The following GALNS variants were observed in gnomAD, a reference collection of about 807,000 sequenced individuals.
GALNS encodes N-acetylgalactosamine-6-sulfatase.
GALNS carries 65 observed loss-of-function variants against 65.9 expected under a neutral mutation model. The observed-to-expected ratio is 0.99, with a 90% CI of 0.81 to 1.21. The LOEUF (loss-of-function observed/expected upper bound fraction) is 1.21. GALNS is among the 50% of genes most tolerant of loss of function. GALNS has a pLI of 0.00. For missense variants in GALNS, 776 were observed against 700.7 expected (o/e 1.11, Z -1.21); for synonymous variants, 346 against 288.9 (o/e 1.20, Z -2.00).
In GALNS at chr16:88,814,519, C is replaced by G. The variant is rs779514329; in HGVS notation, c.1489G>C (p.Ala497Pro). The change falls in exon 14 of 14, where the codon GCA becomes CCA. Residue 497 changes from alanine to proline, a missense_variant. Transcript: ENST00000268695. ...CCTAACTTTTCACAGCCCGGAGGTG[C>G]CCAGTTCTGGGAAATGAAAATTGAG... ...NVCNWAVMNW[A>P]PPGCEKLGKC... 1 of 1,556,042 alleles carries G rather than the reference C, an allele frequency of 6.4e-7. No homozygotes were observed. The highest frequency in any genetic ancestry group is 8.7e-7 in the Non-Finnish European group (1 of 1,149,384).
At chr16:88,836,155 C>CG in intron 6 of GALNS, 46 bp downstream of exon 6, 1 of 1,564,026 alleles carries the variant, frequency 6.4e-7, no homozygotes, top group Non-Finnish European at 8.8e-7. Context: ...GTGCGGTCCC[C>CG]GTCCCCATGC....
chr16:88,817,071 C>G, intron 13 of GALNS: 2 of 985,440 alleles, frequency 2.0e-6, no homozygotes, highest in Non-Finnish European at 1.2e-6. Flanking sequence ...TCTGAAGGAG[C>G]TGTGAAGACC....
Position 88,850,806 on chromosome 16 carries a change from A to G in GALNS, c.120+5952T>C, listed in dbSNP as rs113183979. 3.6e-3 allele frequency among the ~76,000 whole-genome samples: 553 copies of G among 152,368 alleles called. 2 individuals carry two copies. The highest frequency in any genetic ancestry group is 0.012 in the African/African-American group (518 of 41,588). ...TCCCAGGGCTTTTGCCTAGGCTGGC[A>G]GTGCGGCCGCCTCTGCCTGGCATGT... is the stretch of plus-strand genomic sequence containing the variant. On this transcript the variant is annotated intron_variant, in intron 1 of 13. Transcript: ENST00000268695.
In GALNS at chr16:88,847,822, C is replaced by T. The variant is rs112240566; in HGVS notation, c.121-4993G>A. Reference sequence around the variant, plus strand: ...GGCAGCGCCACGCAGGGTGGCCACGCCGCCCGGCAGCGCCTCCCTGGTACA... The same window carrying T: ...GGCAGCGCCACGCAGGGTGGCCACGTCGCCCGGCAGCGCCTCCCTGGTACA... On this transcript the variant is annotated intron_variant, in intron 1 of 13. Coordinates refer to ENST00000268695, the MANE Select transcript of GALNS (RefSeq NM_000512.5). Among the ~76,000 whole-genome samples, 555 of 152,364 alleles carry T rather than the reference C, an allele frequency of 3.6e-3. 2 individuals carry two copies. The highest frequency in any genetic ancestry group is 0.013 in the African/African-American group (520 of 41,586).
chr16:88,840,689 C>T lies in GALNS; in HGVS notation c.422+303G>A, dbSNP rs536753400. ...CAAGGACGACGTGGCAGGAGGCAGC[C>T]GGGGGGCAGTGGTGGCGGGTGCTAG... On this transcript the variant is annotated intron_variant, in intron 4 of 13. Transcript: ENST00000268695. 319 of 446,040 alleles carry T rather than the reference C, an allele frequency of 7.2e-4. 3 individuals carry two copies. Among genetic ancestry groups the T allele is most frequent in the South Asian group, 6.3e-3 (305 of 48,388 alleles). The allele number at this position is 446,040 out of a possible 1,614,324, so 27.6% of individuals were successfully genotyped here. A position where few individuals can be genotyped will look rare whatever the true frequency, so the allele number is the denominator to read the frequency against.
chr16:88,841,965 G>T lies in GALNS; in HGVS notation c.251C>A (p.Ala84Glu), dbSNP rs141340188. 5 of 1,612,126 alleles carry T rather than the reference G, an allele frequency of 3.1e-6. No homozygotes were observed. In the African/African-American group the frequency reaches 5.3e-5, roughly 17 times the overall value. ...SANPLCSPSR[A>E]ALLTGRLPIR... ...GGGTAGCCGTCCTGTGAGCAGTGCCGCCCTCGCTATGTGGAGGTGACAGAA... is the reference window on the plus strand; with the variant it reads ...GGGTAGCCGTCCTGTGAGCAGTGCCTCCCTCGCTATGTGGAGGTGACAGAA... Residue 84 changes from alanine to glutamate, a missense_variant, in exon 3 of 14, where the codon GCG (alanine) becomes GAG (glutamate). Coordinates refer to ENST00000268695, the MANE Select transcript of GALNS (RefSeq NM_000512.5).
chr16:88,846,509 CTTTTTTTTTTTT>C (rs59223444), intron 1 of GALNS, among the ~76,000 whole-genome samples: 2 of 88,708 alleles, frequency 2.3e-5, no homozygotes, highest in East Asian at 7.3e-4. Flanking sequence ...GCGTTTCTGG[CTTTTTTTTTTTT>C]TTTTTTTTTT....
chr16:88,822,683 C>T lies in GALNS; in HGVS notation c.1270G>A (p.Val424Ile), dbSNP rs1369987725. The T allele has an allele frequency of 9.3e-6, 15 of 1,612,890 alleles. No homozygotes were observed. Among genetic ancestry groups the T allele is most frequent in the Admixed American group, 1.7e-5 (1 of 59,978 alleles). Reference sequence around the variant, plus strand: ...AGATTGTGAGTTGTGACCCCTGAAACGTTCTGCCCAGGGCAGAAATCAATG... The same window carrying T: ...AGATTGTGAGTTGTGACCCCTGAAATGTTCTGCCCAGGGCAGAAATCAATG... ...QGIDFCPGQN[V>I]SGVTTHNLED... The change falls in exon 12 of 14, where the codon GTT (valine) becomes ATT (isoleucine). Residue 424 changes from valine to isoleucine, a missense_variant. Physicochemically the swap from Val to Ile is conservative, Grantham distance 29. Coordinates refer to ENST00000268695, the MANE Select transcript of GALNS (RefSeq NM_000512.5).
At position 88,825,018 on chromosome 16, in the gene GALNS, G is replaced by A. The variant is rs1910660322; in HGVS notation, c.1140-149C>T. 10 of 751,158 alleles carry A rather than the reference G, an allele frequency of 1.3e-5. No homozygotes were observed. In the South Asian group the frequency reaches 1.3e-4, roughly 10 times the overall value. 46.5% of individuals were successfully genotyped at this position (751,158 alleles called of 1,614,324 possible). ...ACAAAGATGATTGAAAAGTAAAAAG[G>A]CCCGCAAGGTGGCTGGGGCTGGGGT... is the stretch of plus-strand genomic sequence containing the variant. On this transcript the variant is annotated intron_variant, in intron 10 of 13. Transcript: ENST00000268695.
chr16:88,845,823 C>T (rs1318653158), intron 1 of GALNS, among the ~76,000 whole-genome samples: 1 of 149,408 alleles, frequency 6.7e-6, no homozygotes, highest in Non-Finnish European at 1.5e-5. Context: ...AAGACTCCAA[C>T]TCTAAAAAAA....
intron 10 of GALNS, among the ~76,000 whole-genome samples, chr16:88,825,705 A>T (rs1051555032): frequency 6.6e-6 from 1 of 151,642 alleles, no homozygotes; most frequent in Non-Finnish European, 1.5e-5. Context: ...AGACAAGAGG[A>T]TAAGCAGGCG....
intron 11 of GALNS, 83 bp from the exon 12 acceptor site, chr16:88,822,793 C>A: frequency 6.4e-7 from 1 of 1,564,854 alleles, no homozygotes; most frequent in Non-Finnish European, 8.7e-7. Flanking sequence ...TCCTGGAGCC[C>A]CTGACTGCGG....
rs201986622 is a variant in GALNS, at chr16:88,832,079, C to A, written c.921G>T (p.Leu307=). 8.2e-5 allele frequency: 132 copies of A among 1,613,896 alleles called. 1 individual carries two copies. The Admixed American group carries it at 2.1e-3, about 25-fold the overall frequency. The part of the protein sequence containing the change: ...PEQGGSNGPF[L]CGKQTTFEGG... ...CTTCAAACGTGGTCTGCTTCCCACA[C>A]AGAAAGGGGCCGTTGCTGCCACCTG... is the stretch of plus-strand genomic sequence containing the variant. The change falls in exon 9 of 14, where the codon CTG becomes CTT. Residue 307 remains leucine (L), a synonymous_variant. Coordinates refer to ENST00000268695, the MANE Select transcript of GALNS (RefSeq NM_000512.5).
At chr16:88,820,093 T>C (rs1174652018) in intron 12 of GALNS, among the ~76,000 whole-genome samples, 2 of 151,800 alleles carry the variant, frequency 1.3e-5, no homozygotes, top group African/African-American at 4.8e-5. Flanking sequence ...CCTCCCAAAG[T>C]GCTGGGATCA....
chr16:88,818,986 G>C (rs1421819028), intron 12 of GALNS, among the ~76,000 whole-genome samples: 2 of 152,154 alleles, frequency 1.3e-5, no homozygotes, highest in Admixed American at 1.3e-4. Context: ...GGGGTTACCA[G>C]GTGAGTCAGC....
chr16:88,846,262 G>A (rs1253883762), intron 1 of GALNS, among the ~76,000 whole-genome samples: 1 of 152,146 alleles, frequency 6.6e-6, no homozygotes, highest in African/African-American at 2.4e-5. Context: ...TCAGTAAGAT[G>A]AGGTCACTAA....
chr16:88,849,124 TA>T (rs1369463542), intron 1 of GALNS, among the ~76,000 whole-genome samples: 5 of 152,174 alleles, frequency 3.3e-5, no homozygotes, highest in African/African-American at 9.7e-5. Context: ...TGAGATGGTT[TA>T]TTTTTTTGAG....
At chr16:88,842,646 C>T (rs914472170) in intron 2 of GALNS, 60 bp downstream of exon 2, 6 of 1,593,782 alleles carry the variant, frequency 3.8e-6, no homozygotes, top group South Asian at 1.1e-5. Context: ...TGGAAGGACC[C>T]GGGAGGCCTC....
chr16:88,856,908 A>T lies in GALNS; in HGVS notation c.-31T>A. Reference sequence around the variant, plus strand: ...CCACGGGAGCCGCGGAGCCCCGGCCAGCGAGCCGACCTAGCGAGCGTCCGC... The same window carrying T: ...CCACGGGAGCCGCGGAGCCCCGGCCTGCGAGCCGACCTAGCGAGCGTCCGC... On this transcript the variant is annotated 5_prime_UTR_variant, in exon 1 of 14. Transcript: ENST00000268695. 6.7e-7 allele frequency: 1 copy of T among 1,497,648 alleles called. No homozygotes were observed. The highest frequency in any genetic ancestry group is 8.8e-7 in the Non-Finnish European group (1 of 1,131,850). The allele number at this position is 1,497,648 out of a possible 1,614,324, so 92.8% of individuals were successfully genotyped here. A position where few individuals can be genotyped will look rare whatever the true frequency, so the allele number is the denominator to read the frequency against.
Sources: gnomAD v4.1 joint callset for allele counts (sites outside exome capture counted in the v4.1 genomes callset) on GRCh38, gnomAD v4.1.1 for gene constraint, MANE v1.5 for transcripts, NCBI Gene and HGNC (gene_info 2026-07-23, HGNC 2026-07-21) for gene names.